Variants in RRBP1 observed in about 807,000 individuals in gnomAD.
RRBP1 encodes ribosome binding protein 1.
RRBP1 carries 94 observed loss-of-function variants against 165.2 expected under a neutral mutation model. The ratio of observed to expected loss-of-function variants is 0.57; its 90% CI spans 0.48 to 0.68. The LOEUF is 0.68. Ranked by LOEUF, RRBP1 falls within the 30% of genes least tolerant of loss-of-function variation. The pLI, the probability that RRBP1 is intolerant of heterozygous loss-of-function variation, is 0.00. For synonymous variants in RRBP1, 680 were observed against 714.5 expected, an observed-to-expected ratio of 0.95 and a Z score of 0.77; for missense variants, 1,676 against 1,763.0, an observed-to-expected ratio of 0.95 and a Z score of 0.88.
At position 17,633,463 on chromosome 20, in the gene RRBP1, C is replaced by T; in HGVS notation, c.2607G>A (p.Leu869=). Residue 869 remains leucine, a synonymous_variant, in exon 8 of 25, where the codon CTG becomes CTA. Coordinates refer to ENST00000377813, the MANE Select transcript of RRBP1 (RefSeq NM_001365613.2). The part of the protein sequence containing the change: ...AAAFEKQVLQ[L]QASHRESEEA... ...GGCGGCCACTGCCCCGACTCACCTG[C>T]AGCTGCAGGACCTGCTTCTCGAAGG... The T allele has an allele frequency of 6.2e-7, 1 of 1,613,186 alleles. No individual in the cohort carries two copies. Among genetic ancestry groups the T allele is most frequent in the Non-Finnish European group, 8.5e-7 (1 of 1,179,760 alleles).
At chr20:17,614,948 C>G in intron 23 of RRBP1, 68 bp from the exon 24 acceptor site, 1 of 1,559,684 alleles carries the variant, frequency 6.4e-7, no homozygotes, top group Non-Finnish European at 8.7e-7. Flanking sequence ...GCTATGCCCA[C>G]AGGACCCTGA....
At chr20:17,662,637 G>T (rs557788813) in intron 2 of RRBP1, among the ~76,000 whole-genome samples, 1 of 152,130 alleles carries the variant, frequency 6.6e-6, no homozygotes, top group South Asian at 2.1e-4. Flanking sequence ...TTTGATCATC[G>T]AGGGAGGATA....
At chr20:17,628,755 T>C (rs2036085195) in intron 9 of RRBP1, among the ~76,000 whole-genome samples, 2 of 152,012 alleles carry the variant, frequency 1.3e-5, no homozygotes, top group Admixed American at 1.3e-4. Context: ...CCTCAGAGAG[T>C]CTCCAGGACC....
chr20:17,615,952 G>T lies in RRBP1; in HGVS notation c.3925C>A (p.Gln1309Lys). The change falls in exon 22 of 25, where the codon CAG becomes AAG. Residue 1309 changes from glutamine (Q) to lysine (K), a missense_variant. Gln to Lys is a moderately conservative substitution (Grantham distance 53). Around this residue, in one of 5 missense-constraint regions of RRBP1, gnomAD observed 1,184 missense variants for 1,167.1 expected, o/e 1.01. Transcript: ENST00000377813. ...TCCTCAAACTCGGCCGTGAGCTTCT[G>T]CCGCTGTGTCTGCTCATCCTCCAGG... ...AILEDEQTQR[Q>K]KLTAEFEEAQ... 6.2e-7 allele frequency: 1 copy of T among 1,610,158 alleles called. No individual in the cohort carries two copies.
At chr20:17,614,954 C>T in intron 23 of RRBP1, 74 bp from the exon 24 acceptor site, 1 of 1,539,928 alleles carries the variant, frequency 6.5e-7, no homozygotes, top group Non-Finnish European at 8.9e-7. Flanking sequence ...CCCACAGGAC[C>T]CTGACGCCAG....
chr20:17,635,700 C>T (rs771970247), intron 6 of RRBP1, 36 bp from the exon 7 acceptor site: 19 of 1,507,226 alleles, frequency 1.3e-5, no homozygotes, highest in Admixed American at 1.7e-5. Context: ...AGAGGCAGCT[C>T]GGCCTCACAC....
intron 3 of RRBP1, among the ~76,000 whole-genome samples, chr20:17,645,506 T>A (rs1374676325): frequency 6.6e-6 from 1 of 152,220 alleles, no homozygotes; most frequent in African/African-American, 2.4e-5. Flanking sequence ...CACTACCTTT[T>A]ATACTGTTTT....
rs964108750 is a variant in RRBP1 at position 17,668,324 on chromosome 20, G to A, written c.-21-7796C>T. ...TCACCAGCTCTATAATCAGTCCTTC[G>A]TTATTCGATTTGTTTTTTAAGTCTG... is the stretch of plus-strand genomic sequence containing the variant. On this transcript the variant is annotated intron_variant, in intron 2 of 24. Transcript: ENST00000377813. 1.3e-4 allele frequency among the ~76,000 whole-genome samples: 20 copies of A among 152,138 alleles called. 1 individual carries two copies. The highest frequency in any genetic ancestry group is 5.2e-4 in the Admixed American group (8 of 15,282).
rs906409898 is a variant in RRBP1 at position 17,627,778 on chromosome 20, C to G, written c.2750-96G>C. The G allele has an allele frequency of 3.0e-5, 37 of 1,234,140 alleles. 1 individual carries two copies. In the Admixed American group the frequency reaches 9.9e-4, roughly 33 times the overall value. 76.4% of individuals were successfully genotyped at this position (1,234,140 alleles called of 1,614,324 possible). ...TGCTGCCCTCTTAGCACATGTGGGG[C>G]ACCGAGGGCTTCCTCCTGCCTCCTC... is the stretch of plus-strand genomic sequence containing the variant. On this transcript the variant is annotated intron_variant, in intron 9 of 24. Coordinates refer to ENST00000377813, the MANE Select transcript of RRBP1 (RefSeq NM_001365613.2).
At chr20:17,620,429 G>A in intron 17 of RRBP1, 59 bp from the exon 18 acceptor site, 27 of 1,469,530 alleles carry the variant, frequency 1.8e-5, no homozygotes, top group Non-Finnish European at 2.5e-5. Context: ...CTCCTTCCGA[G>A]GCCATGCTAG....
In RRBP1 at chr20:17,658,914, TTTCTGCCTTTTTGCCCTGAGCCCC is replaced by T. The variant is rs2036695988; in HGVS notation, c.1570_1593del (p.Gly524_Glu531del). ...CCTTTTTTGCCTTGGTTGGGACTCC[TTTCTGCCTTTTTGCCCTGAGCCCC>T]TTCTGTCTTTTTACCCTGATTCTGG... On this transcript the variant is annotated inframe_deletion, in exon 3 of 25. Coordinates refer to ENST00000377813, the MANE Select transcript of RRBP1 (RefSeq NM_001365613.2). 1 of 1,613,004 alleles carries T rather than the reference TTTCTGCCTTTTTGCCCTGAGCCCC, an allele frequency of 6.2e-7. No homozygotes were observed. Among genetic ancestry groups the T allele is most frequent in the South Asian group, 1.1e-5 (1 of 91,082 alleles).
Position 17,659,343 on chromosome 20 carries a change from C to A in RRBP1, c.1165G>T (p.Gly389Cys). The A allele has an allele frequency of 6.5e-7, 1 of 1,539,062 alleles. No homozygotes were observed. Among genetic ancestry groups the A allele is most frequent in the South Asian group, 1.2e-5 (1 of 83,596 alleles). The change falls in exon 3 of 25, where the codon GGC (glycine) becomes TGC (cysteine). Residue 389 changes from glycine (G) to cysteine (C), a missense_variant. Gly to Cys is a radical substitution (Grantham distance 159). Around this residue, in one of 5 missense-constraint regions of RRBP1, gnomAD observed 78 missense variants for 115.6 expected, o/e 0.67. Transcript: ENST00000377813. ...TTCTGGGCCCCTTCTACTTTTTTGC[C>A]CTGGTTCTGAGCCCCCTCGGCCTTT... ...GKKAEGAQNQ[G>C]KKVEGAQNQG...
chr20:17,655,512 A>G (rs2036630796), intron 3 of RRBP1, among the ~76,000 whole-genome samples: 1 of 152,212 alleles, frequency 6.6e-6, no homozygotes, highest in Non-Finnish European at 1.5e-5. Context: ...CCACGTGACC[A>G]TGTCTTTGCA....
chr20:17,620,379 C>A lies in RRBP1; in HGVS notation c.3508-9G>T. 1 of 1,612,590 alleles carries A rather than the reference C, an allele frequency of 6.2e-7. No homozygotes were observed. Among genetic ancestry groups the A allele is most frequent in the Non-Finnish European group, 8.5e-7 (1 of 1,178,866 alleles). On this transcript the variant is annotated splice_polypyrimidine_tract_variant and intron_variant, in intron 17 of 24. Transcript: ENST00000377813. ...TTCACTGTGACCCGGGACTACAAAG[C>A]AAGGGGAAGGCTCCGTCAGACACGA...
chr20:17,672,577 A>G (rs571565959), intron 2 of RRBP1, among the ~76,000 whole-genome samples: 29 of 152,340 alleles, frequency 1.9e-4, no homozygotes, highest in African/African-American at 6.5e-4. Flanking sequence ...TGGTGGGAGT[A>G]TAAATTAGAA....
chr20:17,657,933 A>G (rs1414035666), intron 3 of RRBP1, among the ~76,000 whole-genome samples: 4 of 152,224 alleles, frequency 2.6e-5, no homozygotes, highest in African/African-American at 7.2e-5. Flanking sequence ...GTCAGGCTGC[A>G]CAAAAGCATC....
chr20:17,648,460 C>T (rs1439837470), intron 3 of RRBP1, among the ~76,000 whole-genome samples: 1 of 152,250 alleles, frequency 6.6e-6, no homozygotes, highest in East Asian at 1.9e-4. Context: ...CGCTGCTCAG[C>T]GCTCCTGACA....
Position 17,620,802 on chromosome 20 carries a change from G to T in RRBP1, c.3420C>A (p.Gly1140=). 1 of 1,605,220 alleles carries T rather than the reference G, an allele frequency of 6.2e-7. No homozygotes were observed. Among genetic ancestry groups the T allele is most frequent in the Non-Finnish European group, 8.5e-7 (1 of 1,177,760 alleles). Residue 1140 remains glycine, a synonymous_variant, in exon 17 of 25, where the codon GGC becomes GGA. Transcript: ENST00000377813. ...QYRSILAETE[G]MLRDLQKSVE... ...CGCTCTTCTGCAGGTCTCTGAGCAT[G>T]CCCTCCTGGGGGGAAACCGAGGTGA...
In RRBP1 at chr20:17,619,742, C is replaced by T. The variant is rs757847027; in HGVS notation, c.3580-14G>A. The T allele has an allele frequency of 1.2e-5, 19 of 1,584,942 alleles. No homozygotes were observed. Among genetic ancestry groups the T allele is most frequent in the Non-Finnish European group, 1.6e-5 (18 of 1,158,940 alleles). On this transcript the variant is annotated splice_polypyrimidine_tract_variant and intron_variant, in intron 18 of 24. Coordinates refer to ENST00000377813, the MANE Select transcript of RRBP1 (RefSeq NM_001365613.2). ...GTGCTCCCTCACCTGGACAGATGCACAGACACGCACACGCATGCGCCAGCA... is the reference window on the plus strand; with the variant it reads ...GTGCTCCCTCACCTGGACAGATGCATAGACACGCACACGCATGCGCCAGCA...
Sources: gnomAD v4.1 joint callset for allele counts (sites outside exome capture counted in the v4.1 genomes callset) on GRCh38, gnomAD v4.1.1 for gene constraint, gnomAD v4.1.1 regional missense constraint, MANE v1.5 for transcripts, NCBI Gene and HGNC (gene_info 2026-07-23, HGNC 2026-07-21) for gene names.